Variants in PTPRS observed in about 807,000 individuals in gnomAD.
PTPRS encodes protein tyrosine phosphatase receptor type S, also known as receptor-type tyrosine-protein phosphatase S.
In PTPRS, 63 loss-of-function variants were observed where a neutral mutation model predicts 215.3. The observed-to-expected ratio is 0.29, with a 90% confidence interval of 0.24 to 0.36. The LOEUF (loss-of-function observed/expected upper bound fraction) is 0.36. Among genes scored for constraint, PTPRS ranks in the 10% least tolerant of loss-of-function variants. PTPRS has a pLI of 1.00. For missense variants in PTPRS, 2,258 were observed against 2,825.8 expected, an observed-to-expected ratio of 0.80 and a Z score of 4.56; for synonymous variants, 1,404 against 1,191.4, an observed-to-expected ratio of 1.18 and a Z score of -3.68.
intron 1 of PTPRS, among the ~76,000 whole-genome samples, chr19:5,332,795 T>C (rs1013278041): frequency 2.0e-5 from 3 of 152,250 alleles, no homozygotes; most frequent in Non-Finnish European, 4.4e-5. Context: ...GGTTTTCTGT[T>C]GATCCTGATG....
At chr19:5,249,327 T>TAAAC (rs542926147) in intron 9 of PTPRS, among the ~76,000 whole-genome samples, 5 of 152,008 alleles carry the variant, frequency 3.3e-5, no homozygotes, top group Admixed American at 6.5e-5. Context: ...AATAAATAAA[T>TAAAC]AAACAAACAA....
At chr19:5,229,439 G>T (rs2042821251) in intron 15 of PTPRS, 52 bp downstream of exon 15, 5 of 1,368,578 alleles carry the variant, frequency 3.7e-6, no homozygotes, top group Non-Finnish European at 4.7e-6. Flanking sequence ...GAGCGCAAGG[G>T]CCCGTCCCCG....
In PTPRS at chr19:5,289,682, G is replaced by A. The variant is rs568154217; in HGVS notation, c.-94-3448C>T. Among the ~76,000 whole-genome samples, 139 of 152,322 alleles carry A rather than the reference G, an allele frequency of 9.1e-4. 1 individual carries two copies. The highest frequency in any genetic ancestry group is 3.2e-3 in the African/African-American group (132 of 41,562). On this transcript the variant is annotated intron_variant, in intron 1 of 37. Coordinates refer to ENST00000262963, the MANE Select transcript of PTPRS (RefSeq NM_002850.4). ...TCCAGTCCTGCCCCCGGGCCTTTGC[G>A]TGGGCCATTCCTGGATTTAATATTG... is the stretch of plus-strand genomic sequence containing the variant.
rs1238574782 is a variant in PTPRS, at chr19:5,231,442, G to A, written c.2023C>T (p.Pro675Ser). ...DPEPKEVNGI[P>S]PTTTQILLEA... ...AGCAGGATCTGAGTGGTGGTCGGGG[G>A]GATGCCGTTCACCTCCTTGGGTTCC... Residue 675 changes from proline (P) to serine (S), a missense_variant, in exon 14 of 38, where the codon CCC becomes TCC. Physicochemically the swap from Pro to Ser is moderately conservative, Grantham distance 74. Coordinates refer to ENST00000262963, the MANE Select transcript of PTPRS (RefSeq NM_002850.4). The A allele has an allele frequency of 1.9e-6, 3 of 1,613,116 alleles. No individual in the cohort carries two copies. Among genetic ancestry groups the A allele is most frequent in the South Asian group, 1.1e-5 (1 of 91,078 alleles).
intron 7 of PTPRS, among the ~76,000 whole-genome samples, chr19:5,260,588 A>T (rs2045911082): frequency 6.6e-6 from 1 of 152,184 alleles, no homozygotes; most frequent in Non-Finnish European, 1.5e-5. Context: ...CGCCTTCCAC[A>T]GCCAGGTGAC....
At chr19:5,309,026 G>T (rs376037072) in intron 1 of PTPRS, among the ~76,000 whole-genome samples, 1 of 152,322 alleles carries the variant, frequency 6.6e-6, no homozygotes, top group African/African-American at 2.4e-5. Flanking sequence ...CCTACAGCCT[G>T]CCTGGCACTA....
rs982817610 is a variant in PTPRS at position 5,315,358 on chromosome 19, T to C, written c.-95+25306A>G. Among the ~76,000 whole-genome samples the C allele has an allele frequency of 6.1e-4, 51 of 84,050 alleles. 2 individuals carry two copies. Among genetic ancestry groups the C allele is most frequent in the Non-Finnish European group, 9.0e-4 (39 of 43,568 alleles). 55.1% of individuals were successfully genotyped at this position (84,050 alleles called of 152,430 possible). ...AATTTTTATTTGAAAAGGGTTTTTTTTTTTTTTTTTTTTTTTTTTTTTTGA... is the reference window on the plus strand; with the variant it reads ...AATTTTTATTTGAAAAGGGTTTTTTCTTTTTTTTTTTTTTTTTTTTTTTGA... On this transcript the variant is annotated intron_variant, in intron 1 of 37. Coordinates refer to ENST00000262963, the MANE Select transcript of PTPRS (RefSeq NM_002850.4).
chr19:5,231,744 A>C, intron 13 of PTPRS, 129 bp from the exon 14 acceptor site: 1 of 322,300 alleles, frequency 3.1e-6, no homozygotes. Context: ...ACAGAACCAA[A>C]CCAAAGAGAA....
rs1324343815 is a variant in PTPRS, at chr19:5,210,118, T to C, written c.5487+351A>G. On this transcript the variant is annotated intron_variant, in intron 35 of 37. Transcript: ENST00000262963. This position sits in a 1 kb window ranked among gnomAD's most constrained non-coding sequence, Gnocchi z 4.5. The stretch of plus-strand genomic sequence containing the variant: ...AGTCCCCACCATCTGACTCTCCTTG[T>C]CCACCGTCTACCACCCCTCACCCTC... Among the ~76,000 whole-genome samples the C allele has an allele frequency of 6.6e-6, 1 of 152,116 alleles. No homozygotes were observed. The highest frequency in any genetic ancestry group is 2.4e-5 in the African/African-American group (1 of 41,428).
At chr19:5,243,580 A>G (rs1025621084) in intron 11 of PTPRS, among the ~76,000 whole-genome samples, 5 of 151,728 alleles carry the variant, frequency 3.3e-5, no homozygotes, top group Non-Finnish European at 7.4e-5. Context: ...CCTGGGTTCA[A>G]GTGATTCTCC....
At chr19:5,216,250 G>A (rs1421907844) in intron 26 of PTPRS, among the ~76,000 whole-genome samples, 2 of 152,104 alleles carry the variant, frequency 1.3e-5, no homozygotes, top group Non-Finnish European at 1.5e-5. Flanking sequence ...GATGGCTGCC[G>A]AAGGTGCTGG....
intron 9 of PTPRS, among the ~76,000 whole-genome samples, chr19:5,249,932 AG>A (rs1196138567): frequency 6.6e-6 from 1 of 152,224 alleles, no homozygotes; most frequent in East Asian, 1.9e-4. Flanking sequence ...ATCTCTCCAT[AG>A]GGATGTCATA....
intron 1 of PTPRS, among the ~76,000 whole-genome samples, chr19:5,289,663 C>G (rs973736669): frequency 2.0e-5 from 3 of 152,230 alleles, no homozygotes; most frequent in Non-Finnish European, 4.4e-5. Flanking sequence ...GCAGTCCAGT[C>G]CTGCCCCCGG....
chr19:5,206,687 A>G lies in PTPRS; in HGVS notation c.*87T>C. 2 of 1,207,732 alleles carry G rather than the reference A, an allele frequency of 1.7e-6. No homozygotes were observed. Among genetic ancestry groups the G allele is most frequent in the East Asian group, 2.4e-5 (1 of 42,490 alleles). The allele number at this position is 1,207,732 out of a possible 1,614,324, so 74.8% of individuals were successfully genotyped here. A position where few individuals can be genotyped will look rare whatever the true frequency, so the allele number is the denominator to read the frequency against. On this transcript the variant is annotated 3_prime_UTR_variant, in exon 38 of 38. Transcript: ENST00000262963. ...GCCGCTGCCACCTCCTGCCCTGCCCACTGGGGGTCCAGGCCTCAGGAGGTC... is the reference window on the plus strand; with the variant it reads ...GCCGCTGCCACCTCCTGCCCTGCCCGCTGGGGGTCCAGGCCTCAGGAGGTC...
rs774654558 is a variant in PTPRS at position 5,274,354 on chromosome 19, C to T, written c.92-10G>A. The T allele has an allele frequency of 1.9e-6, 3 of 1,603,964 alleles. No homozygotes were observed. Among genetic ancestry groups the T allele is most frequent in the South Asian group, 2.2e-5 (2 of 90,556 alleles). ...ATAAACCTGGGGGGCTCTGGGGATA[C>T]AGTGGAAAGAAGGGGGGGCGCTGAT... On this transcript the variant is annotated splice_polypyrimidine_tract_variant and intron_variant, in intron 2 of 37. Coordinates refer to ENST00000262963, the MANE Select transcript of PTPRS (RefSeq NM_002850.4).
intron 1 of PTPRS, among the ~76,000 whole-genome samples, chr19:5,316,806 G>A (rs913320959): frequency 6.6e-6 from 1 of 152,190 alleles, no homozygotes; most frequent in Non-Finnish European, 1.5e-5. Flanking sequence ...TGGGATTACA[G>A]GCATGAGCCA....
intron 4 of PTPRS, among the ~76,000 whole-genome samples, chr19:5,271,712 C>T (rs1229837870): frequency 6.7e-6 from 1 of 149,720 alleles, no homozygotes; most frequent in Non-Finnish European, 1.5e-5. Context: ...CATTTTTATT[C>T]ATTCATTCAT....
rs2041324745 is a variant in PTPRS, at chr19:5,215,323, A to G, written c.4284T>C (p.Tyr1428=). The stretch of plus-strand genomic sequence containing the variant: ...GCTGGAGGATGACACGGGAGTGGTC[A>G]TAGGCGATGACGTTGGCATAGCGGT... The part of the protein sequence containing the change: ...PKNRYANVIA[Y]DHSRVILQPI... The change falls in exon 28 of 38, where the codon TAT becomes TAC. Residue 1428 remains tyrosine (Y), a synonymous_variant. Coordinates refer to ENST00000262963, the MANE Select transcript of PTPRS (RefSeq NM_002850.4). The G allele has an allele frequency of 1.2e-6, 2 of 1,614,156 alleles. No homozygotes were observed. Among genetic ancestry groups the G allele is most frequent in the Non-Finnish European group, 1.7e-6 (2 of 1,180,012 alleles).
Position 5,329,433 on chromosome 19 carries a change from C to T in PTPRS, c.-95+11231G>A, listed in dbSNP as rs920774657. On this transcript the variant is annotated intron_variant, in intron 1 of 37. Coordinates refer to ENST00000262963, the MANE Select transcript of PTPRS (RefSeq NM_002850.4). Reference sequence around the variant, plus strand: ...TAACAATCCAGCTACAGAATTGCAGCCCCCAGTGCAAAATGAAACCGTGGG... The same window carrying T: ...TAACAATCCAGCTACAGAATTGCAGTCCCCAGTGCAAAATGAAACCGTGGG... Among the ~76,000 whole-genome samples, 3 of 152,286 alleles carry T rather than the reference C, an allele frequency of 2.0e-5. 1 individual carries two copies. Among genetic ancestry groups the T allele is most frequent in the East Asian group, 1.9e-4 (1 of 5,176 alleles).
Sources: gnomAD v4.1 joint callset for allele counts (sites outside exome capture counted in the v4.1 genomes callset) on GRCh38, gnomAD v4.1.1 for gene constraint, Gnocchi (gnomAD v3.1) non-coding constraint, MANE v1.5 for transcripts, NCBI Gene and HGNC (gene_info 2026-07-23, HGNC 2026-07-21) for gene names.